Variants in MYOM2 observed in about 807,000 individuals in gnomAD.
The protein encoded by MYOM2 is myomesin 2.
MYOM2 carries 254 observed loss-of-function variants against 187.6 expected under a neutral mutation model. The observed-to-expected ratio is 1.35, with a 90% confidence interval of 1.22 to 1.50. The LOEUF (loss-of-function observed/expected upper bound fraction) is 1.50, where lower values mean the gene tolerates loss of function less well. Among genes scored for constraint, MYOM2 ranks in the 40% most tolerant of loss-of-function variants. The pLI is 0.00. For missense variants in MYOM2, 2,796 were observed against 1,924.0 expected (o/e 1.45, Z -8.48); for synonymous variants, 981 against 753.8 (o/e 1.30, Z -4.94).
chr8:2,056,302 C>A (rs1036701998), intron 3 of MYOM2, among the ~76,000 whole-genome samples: 1 of 152,212 alleles, frequency 6.6e-6, no homozygotes, highest in Non-Finnish European at 1.5e-5. Flanking sequence ...ATGTTTCTCA[C>A]GAGTGGGACA....
chr8:2,048,910 C>T (rs1200221133), intron 1 of MYOM2, among the ~76,000 whole-genome samples: 1 of 151,952 alleles, frequency 6.6e-6, no homozygotes, highest in Non-Finnish European at 1.5e-5. Flanking sequence ...CTGCCTCAGC[C>T]TCCCGAGTAG....
chr8:2,137,834 G>T (rs925044465), intron 32 of MYOM2, among the ~76,000 whole-genome samples: 21 of 152,112 alleles, frequency 1.4e-4, no homozygotes, highest in African/African-American at 5.1e-4. Flanking sequence ...TGCATCCAGG[G>T]GGATAAAGAA....
chr8:2,084,553 G>GA (rs940638923), intron 13 of MYOM2, among the ~76,000 whole-genome samples: 1 of 152,110 alleles, frequency 6.6e-6, no homozygotes, highest in Non-Finnish European at 1.5e-5. Flanking sequence ...CACTCCTTAT[G>GA]AAAATCTCCT....
At chr8:2,094,238 C>A in intron 17 of MYOM2, 147 bp downstream of exon 17, 1 of 1,034,758 alleles carries the variant, frequency 9.7e-7, no homozygotes. Flanking sequence ...TTCTTTGAAG[C>A]CTCTCGGTTG....
At chr8:2,112,586 G>C (rs1490366489) in intron 25 of MYOM2, among the ~76,000 whole-genome samples, 1 of 152,234 alleles carries the variant, frequency 6.6e-6, no homozygotes, top group Middle Eastern at 3.4e-3. Flanking sequence ...AGAAGATACA[G>C]ACTTTGAATG....
intron 30 of MYOM2, 68 bp from the exon 31 acceptor site, chr8:2,124,111 A>AGG: frequency 6.9e-7 from 1 of 1,451,634 alleles, no homozygotes; most frequent in Non-Finnish European, 9.5e-7. Flanking sequence ...GATTTAATTA[A>AGG]ACATTGAAAA....
rs117739278 is a variant in MYOM2, at chr8:2,051,827, T to A, written c.108-331T>A. Among the ~76,000 whole-genome samples the A allele has an allele frequency of 5.9e-3, 905 of 152,250 alleles. 7 individuals carry two copies. The highest frequency in any genetic ancestry group is 9.2e-3 in the Non-Finnish European group (627 of 67,966). ...GCTTGGGTTTGCCTGTGTGCAAGTG[T>A]GTGTACACTTGTGTAGGTTTGTTTA... On this transcript the variant is annotated intron_variant, in intron 2 of 36. Transcript: ENST00000262113.
At position 2,097,792 on chromosome 8, in the gene MYOM2, C is replaced by T. The variant is rs538396490; in HGVS notation, c.2314-1065C>T. ...TCAGCCTCCCAAAGTGCGGGGATTA[C>T]AGGCGTGAGTCACTGTGCCCAGCCT... On this transcript the variant is annotated intron_variant, in intron 18 of 36. Coordinates refer to ENST00000262113, the MANE Select transcript of MYOM2 (RefSeq NM_003970.4). 2.0e-5 allele frequency among the ~76,000 whole-genome samples: 3 copies of T among 152,354 alleles called. No individual in the cohort carries two copies. The South Asian group carries it at 6.2e-4, about 32-fold the overall frequency.
intron 6 of MYOM2, 55 bp from the exon 7 acceptor site, chr8:2,069,223 C>G: frequency 1.3e-6 from 2 of 1,535,772 alleles, no homozygotes; most frequent in South Asian, 1.2e-5. Context: ...CAATTCGGGT[C>G]ACTGACTTTT....
chr8:2,137,164 T>C (rs532085269), intron 32 of MYOM2, among the ~76,000 whole-genome samples: 1 of 151,532 alleles, frequency 6.6e-6, no homozygotes, highest in South Asian at 2.1e-4. Flanking sequence ...ATTTAGCTCT[T>C]TGAAGAAGAC....
chr8:2,046,192 G>T (rs750764100), intron 1 of MYOM2, among the ~76,000 whole-genome samples: 1 of 152,200 alleles, frequency 6.6e-6, no homozygotes, highest in Non-Finnish European at 1.5e-5. Flanking sequence ...TTAAGTGGAA[G>T]TCAATGTTTT....
In MYOM2 at chr8:2,085,399, C is replaced by T. The variant is rs201860715; in HGVS notation, c.1644+9C>T. The T allele has an allele frequency of 4.9e-4, 778 of 1,600,734 alleles. No homozygotes were observed. Among genetic ancestry groups the T allele is most frequent in the Non-Finnish European group, 5.8e-4 (685 of 1,174,038 alleles). On this transcript the variant is annotated intron_variant, in intron 14 of 36. Transcript: ENST00000262113. Reference sequence around the variant, plus strand: ...TGTACTTCATTGAGAAGGTAAACTCCGGGCCCGTGTCCTGGAAAAGTAGAT... The same window carrying T: ...TGTACTTCATTGAGAAGGTAAACTCTGGGCCCGTGTCCTGGAAAAGTAGAT...
At chr8:2,052,127 G>C (rs1818510641) in intron 2 of MYOM2, 31 bp from the exon 3 acceptor site, 2 of 1,611,578 alleles carry the variant, frequency 1.2e-6, no homozygotes, top group Non-Finnish European at 1.7e-6. Flanking sequence ...GCCTGAGCAT[G>C]CATCTCCTAA....
intron 14 of MYOM2, 148 bp from the exon 15 acceptor site, chr8:2,089,860 A>G: frequency 1.8e-6 from 1 of 564,444 alleles, no homozygotes; most frequent in Non-Finnish European, 2.9e-6. Flanking sequence ...AACTCAAAAA[A>G]GATGCATGAC....
chr8:2,073,534 TG>T, intron 10 of MYOM2, 34 bp downstream of exon 10: 1 of 1,556,180 alleles, frequency 6.4e-7, no homozygotes, highest in East Asian at 2.3e-5. Flanking sequence ...GTGCAGACCT[TG>T]TGTGTGCCCG....
intron 10 of MYOM2, among the ~76,000 whole-genome samples, chr8:2,075,124 GAGA>G: frequency 6.6e-6 from 1 of 152,308 alleles, no homozygotes; most frequent in Non-Finnish European, 1.5e-5. Flanking sequence ...TGAAAAGAAA[GAGA>G]AGAAATGTCA....
intron 27 of MYOM2, among the ~76,000 whole-genome samples, chr8:2,116,796 T>G (rs546420180): frequency 1.3e-5 from 2 of 152,320 alleles, no homozygotes; most frequent in Middle Eastern, 3.4e-3. Context: ...CTTGCTCTGT[T>G]GCCCAGGCTG....
intron 32 of MYOM2, among the ~76,000 whole-genome samples, chr8:2,136,691 G>T (rs73657772): frequency 7.2e-5 from 11 of 152,176 alleles, no homozygotes; most frequent in Admixed American, 3.3e-4. Context: ...AAAGTCAGGA[G>T]GCCGGTGGGA....
intron 14 of MYOM2, among the ~76,000 whole-genome samples, chr8:2,087,665 C>A (rs927268339): frequency 6.6e-6 from 1 of 152,170 alleles, no homozygotes; most frequent in African/African-American, 2.4e-5. Flanking sequence ...GGCTAGAGTG[C>A]AGTGGCACAG....
Sources: allele counts gnomAD v4.1 joint callset (sites outside exome capture counted in the v4.1 genomes callset), GRCh38; gene constraint gnomAD v4.1.1; transcripts MANE v1.5; gene names NCBI Gene and HGNC (gene_info 2026-07-23, HGNC 2026-07-21).